The following ADAD1 variants were observed in gnomAD, a reference collection of about 807,000 sequenced individuals.
The protein encoded by ADAD1 is adenosine deaminase domain-containing protein 1.
A neutral mutation model predicts 66.8 loss-of-function variants in ADAD1; 46 were observed. The observed-to-expected ratio is 0.69, with a 90% CI of 0.54 to 0.88. The LOEUF (loss-of-function observed/expected upper bound fraction) is 0.88, where lower values mean the gene tolerates loss of function less well. Ranked by LOEUF, ADAD1 falls within the 40% of genes least tolerant of loss-of-function variation. The pLI is 0.00. For synonymous variants in ADAD1, 248 were observed against 229.4 expected, an observed-to-expected ratio of 1.08 and a Z score of -0.73; for missense variants, 617 against 681.8, an observed-to-expected ratio of 0.91 and a Z score of 1.06.
At chr4:122,427,908 A>G (rs1309920228) in intron 12 of ADAD1, among the ~76,000 whole-genome samples, 2 of 152,190 alleles carry the variant, frequency 1.3e-5, no homozygotes, top group African/African-American at 4.8e-5. Flanking sequence ...AACTTACAAT[A>G]AGGCTATAGT....
chr4:122,387,867 C>A (rs1450398245), intron 5 of ADAD1, among the ~76,000 whole-genome samples: 2 of 151,500 alleles, frequency 1.3e-5, no homozygotes, highest in Admixed American at 1.3e-4. Context: ...TCATGCCATT[C>A]TCCTGCCTGA....
chr4:122,391,588 C>A (rs1358715692), intron 5 of ADAD1, among the ~76,000 whole-genome samples: 1 of 152,210 alleles, frequency 6.6e-6, no homozygotes, highest in African/African-American at 2.4e-5. Context: ...TCCAGGGAAG[C>A]CCCGCCCAAT....
intron 6 of ADAD1, 70 bp from the exon 7 acceptor site, chr4:122,396,182 A>G (rs1046630525): frequency 1.6e-6 from 2 of 1,275,196 alleles, no homozygotes; most frequent in African/African-American, 3.1e-5. Flanking sequence ...GTAAGGTTAT[A>G]ATAAGAATAA....
chr4:122,406,463 C>A (rs1796216152), intron 7 of ADAD1, among the ~76,000 whole-genome samples: 1 of 152,148 alleles, frequency 6.6e-6, no homozygotes, highest in Admixed American at 6.6e-5. Flanking sequence ...TGGGTATTAA[C>A]CCCTTATTGG....
chr4:122,385,256 T>C (rs906249161), intron 5 of ADAD1, among the ~76,000 whole-genome samples: 3 of 151,942 alleles, frequency 2.0e-5, no homozygotes, highest in Non-Finnish European at 4.4e-5. Flanking sequence ...TTGCACATGG[T>C]TTTTTTATGT....
chr4:122,393,744 A>C, intron 6 of ADAD1, 87 bp downstream of exon 6: 2 of 1,027,012 alleles, frequency 1.9e-6, no homozygotes, highest in South Asian at 1.9e-5. Context: ...CATAGGTATG[A>C]AAATGTACAT....
In ADAD1 at chr4:122,393,576, G is replaced by A. The variant is rs565315560; in HGVS notation, c.530-13G>A. ...AAGTTTCATGTTTCCTTATGTTTTT[G>A]TTTTGTTTACAGGTCCTCCTCCTTT... On this transcript the variant is annotated splice_polypyrimidine_tract_variant and intron_variant, in intron 5 of 12. Coordinates refer to ENST00000296513, the MANE Select transcript of ADAD1 (RefSeq NM_139243.4). The A allele has an allele frequency of 2.5e-6, 4 of 1,575,318 alleles. No individual in the cohort carries two copies. Among genetic ancestry groups the A allele is most frequent in the Admixed American group, 3.8e-5 (2 of 52,908 alleles).
At chr4:122,412,202 CAAAG>C (rs570354550) in intron 9 of ADAD1, among the ~76,000 whole-genome samples, 26 of 152,044 alleles carry the variant, frequency 1.7e-4, no homozygotes, top group Admixed American at 1.1e-3. Context: ...TTGAAGATGA[CAAAG>C]AAAAATAGTT....
At chr4:122,388,101 C>G (rs930891903) in intron 5 of ADAD1, among the ~76,000 whole-genome samples, 17 of 152,032 alleles carry the variant, frequency 1.1e-4, no homozygotes, top group African/African-American at 3.4e-4. Context: ...TATCAAAGGC[C>G]TTTTCTGCAT....
At chr4:122,390,114 T>C (rs1245398452) in intron 5 of ADAD1, among the ~76,000 whole-genome samples, 6 of 152,234 alleles carry the variant, frequency 3.9e-5, no homozygotes, top group Admixed American at 2.6e-4. Flanking sequence ...TCTTCACTTA[T>C]GAAGCTTAGT....
rs555719354 is a variant in ADAD1 at position 122,412,906 on chromosome 4, C to T, written c.1249+97C>T. ...TAAAATTAGTTTTAGTTTTTGCATACGTGAAACTTTATTTAAGGTCAAAAC... is the reference window on the plus strand; with the variant it reads ...TAAAATTAGTTTTAGTTTTTGCATATGTGAAACTTTATTTAAGGTCAAAAC... On this transcript the variant is annotated intron_variant, in intron 10 of 12. Coordinates refer to ENST00000296513, the MANE Select transcript of ADAD1 (RefSeq NM_139243.4). 2.3e-5 allele frequency: 23 copies of T among 999,488 alleles called. No individual in the cohort carries two copies. The East Asian group carries it at 3.4e-4, about 15-fold the overall frequency. 61.9% of individuals were successfully genotyped at this position (999,488 alleles called of 1,614,324 possible).
chr4:122,418,306 CTTTT>C (rs10527795), intron 11 of ADAD1, among the ~76,000 whole-genome samples: 12 of 94,638 alleles, frequency 1.3e-4, no homozygotes, highest in Non-Finnish European at 2.2e-4. Flanking sequence ...ACGTTATTTT[CTTTT>C]TTTTTTTTTT....
chr4:122,415,742 T>A, intron 11 of ADAD1, 126 bp downstream of exon 11: 1 of 893,408 alleles, frequency 1.1e-6, no homozygotes, highest in Non-Finnish European at 1.7e-6. Flanking sequence ...TTATCATTAG[T>A]CAAGTGTGAC....
intron 12 of ADAD1, 59 bp from the exon 13 acceptor site, chr4:122,429,567 A>G: frequency 9.6e-7 from 1 of 1,039,078 alleles, no homozygotes; most frequent in South Asian, 1.4e-5. Flanking sequence ...TATTGGGGCT[A>G]CTTTTCAGCA....
At chr4:122,380,878 C>A in intron 3 of ADAD1, 114 bp from the exon 4 acceptor site, 2 of 950,500 alleles carry the variant, frequency 2.1e-6, no homozygotes, top group Non-Finnish European at 3.1e-6. Context: ...TTAAGAAAAA[C>A]ATATGATGAA....
intron 12 of ADAD1, 38 bp from the exon 13 acceptor site, chr4:122,429,588 G>A (rs368225447): frequency 1.5e-6 from 2 of 1,366,572 alleles, no homozygotes; most frequent in African/African-American, 1.4e-5. Flanking sequence ...ATCAAATGCT[G>A]CCTATTTTCT....
At chr4:122,414,285 G>GA (rs1394590723) in intron 10 of ADAD1, among the ~76,000 whole-genome samples, 2 of 101,450 alleles carry the variant, frequency 2.0e-5, no homozygotes, top group African/African-American at 3.7e-5. Context: ...TGGGGGGGGG[G>GA]GTACAACTAC....
intron 7 of ADAD1, among the ~76,000 whole-genome samples, chr4:122,406,745 C>A (rs1305500562): frequency 2.0e-5 from 3 of 152,042 alleles, no homozygotes; most frequent in African/African-American, 7.2e-5. Context: ...AGTCTTCTGT[C>A]TTTGCCCAGG....
chr4:122,404,516 G>A (rs1796120642), intron 7 of ADAD1, among the ~76,000 whole-genome samples: 1 of 152,130 alleles, frequency 6.6e-6, no homozygotes, highest in African/African-American at 2.4e-5. Context: ...CTCACACTTT[G>A]GGAACTCAGT....
Sources: allele counts gnomAD v4.1 joint callset (sites outside exome capture counted in the v4.1 genomes callset), GRCh38; gene constraint gnomAD v4.1.1; transcripts MANE v1.5; gene names NCBI Gene and HGNC (gene_info 2026-07-23, HGNC 2026-07-21).